Variants in SACS observed in about 807,000 individuals in gnomAD.
SACS encodes sacsin molecular chaperone.
SACS carries 197 observed loss-of-function variants against 348.0 expected under a neutral mutation model. The observed-to-expected ratio is 0.57, with a 90% CI of 0.50 to 0.64. The LOEUF is 0.64. Ranked by LOEUF, SACS falls within the 30% of genes least tolerant of loss-of-function variation. The pLI is 0.00. For missense variants in SACS, 4,999 were observed against 5,360.8 expected (o/e 0.93, Z 2.11); for synonymous variants, 1,985 against 1,910.6 (o/e 1.04, Z -1.02).
intron 2 of SACS, among the ~76,000 whole-genome samples, chr13:23,389,979 T>C (rs964258940): frequency 4.6e-5 from 7 of 152,212 alleles, no homozygotes; most frequent in South Asian, 2.1e-4. Context: ...TATTTATATT[T>C]CCTACAATTA....
At chr13:23,426,068 G>A (rs147652364) in intron 1 of SACS, among the ~76,000 whole-genome samples, 1 of 152,224 alleles carries the variant, frequency 6.6e-6, no homozygotes, top group East Asian at 1.9e-4. Context: ...GGAAACTGGT[G>A]TCCAGAAGAG....
At chr13:23,356,608 T>C (rs928540642) in intron 7 of SACS, among the ~76,000 whole-genome samples, 6 of 152,232 alleles carry the variant, frequency 3.9e-5, no homozygotes, top group Admixed American at 2.0e-4. Context: ...GGCCTCTAAA[T>C]TGATACCAGC....
rs1258663978 is a variant in SACS at position 23,353,865 on chromosome 13, G to A, written c.2105C>T (p.Pro702Leu). Residue 702 changes from proline to leucine, a missense_variant, in exon 9 of 10, where the codon CCA becomes CTA. Physicochemically the swap from Pro to Leu is moderately conservative, Grantham distance 98. Transcript: ENST00000382292. ...TSAEYPRSLF[P>L]SLEGRFILDN... ...CAAAATAAATCTTCCTTCAAGACTT[G>A]GGAAAAGGGACCTGAAAAGGGAAAG... 5.6e-6 allele frequency: 9 copies of A among 1,593,544 alleles called. No homozygotes were observed. The highest frequency in any genetic ancestry group is 6.9e-6 in the Non-Finnish European group (8 of 1,161,506).
chr13:23,360,874 C>T (rs1055213766), intron 6 of SACS, among the ~76,000 whole-genome samples: 3 of 151,894 alleles, frequency 2.0e-5, no homozygotes, highest in Non-Finnish European at 4.4e-5. Flanking sequence ...TCTGTCTCAG[C>T]CTCCCAAGTA....
chr13:23,419,031 C>G (rs569628639), intron 1 of SACS: 1 of 152,554 alleles, frequency 6.6e-6, no homozygotes, highest in East Asian at 1.9e-4. Context: ...GCATGAAGAT[C>G]TGGGGCAGGT....
Position 23,336,152 on chromosome 13 carries a change from A to G in SACS, c.7724T>C (p.Ile2575Thr). 1 of 1,613,730 alleles carries G rather than the reference A, an allele frequency of 6.2e-7. No individual in the cohort carries two copies. Among genetic ancestry groups the G allele is most frequent in the Non-Finnish European group, 8.5e-7 (1 of 1,179,678 alleles). ...CAATGGGGCCCACTTATCATCAAATATTCTATCAACTGGATGCTGTCTAGG... is the reference window on the plus strand; with the variant it reads ...CAATGGGGCCCACTTATCATCAAATGTTCTATCAACTGGATGCTGTCTAGG... ...FDPRQHPVDR[I>T]FDDKWAPLQG... The change falls in exon 10 of 10, where the codon ATA becomes ACA. Residue 2575 changes from isoleucine (I) to threonine (T), a missense_variant. By Grantham distance (89) the Ile-to-Thr change is moderately conservative (BLOSUM62 -1). Transcript: ENST00000382292.
At chr13:23,406,456 C>A (rs1873216790) in intron 2 of SACS, among the ~76,000 whole-genome samples, 1 of 152,120 alleles carries the variant, frequency 6.6e-6, no homozygotes, top group South Asian at 2.1e-4. Context: ...TGCAGCAAAC[C>A]ACCATGGTAC....
At position 23,341,531 on chromosome 13, in the gene SACS, A is replaced by G; in HGVS notation, c.2345T>C (p.Val782Ala). ...NHPSVSWLKM[V>A]WKNLYIHFSE... ...AAAATGTATATAAAGATTTTTCCAAACCATCTTAAGCCATGAAACAGATGG... is the reference window on the plus strand; with the variant it reads ...AAAATGTATATAAAGATTTTTCCAAGCCATCTTAAGCCATGAAACAGATGG... Residue 782 changes from valine to alanine, a missense_variant, in exon 10 of 10, where the codon GTT (valine) becomes GCT (alanine). Val to Ala is a moderately conservative substitution (Grantham distance 64, BLOSUM62 0). This residue lies in a region of SACS where 3,156 missense variants were observed against 3,380.1 expected (regional missense o/e 0.93). Coordinates refer to ENST00000382292, the MANE Select transcript of SACS (RefSeq NM_014363.6). 1 of 1,614,082 alleles carries G rather than the reference A, an allele frequency of 6.2e-7. No individual in the cohort carries two copies. The highest frequency in any genetic ancestry group is 8.5e-7 in the Non-Finnish European group (1 of 1,179,990).
intron 2 of SACS, among the ~76,000 whole-genome samples, chr13:23,400,446 G>A (rs1312136803): frequency 6.6e-6 from 1 of 151,842 alleles, no homozygotes; most frequent in African/African-American, 2.4e-5. Context: ...TTTGAGAAGG[G>A]GTCTCGCTCT....
At chr13:23,346,930 C>T (rs1413280752) in intron 9 of SACS, 1 of 341,442 alleles carries the variant, frequency 2.9e-6, no homozygotes, top group African/African-American at 2.2e-5. Flanking sequence ...TAAGATACTG[C>T]TGTCTGTAGA....
intron 9 of SACS, among the ~76,000 whole-genome samples, chr13:23,347,287 G>A (rs1389328056): frequency 1.3e-5 from 2 of 151,004 alleles, no homozygotes; most frequent in African/African-American, 4.9e-5. Flanking sequence ...TTATAATAAA[G>A]AAAAAGAGAT....
chr13:23,383,375 C>A (rs17078678), intron 2 of SACS, among the ~76,000 whole-genome samples: 6,037 of 152,190 alleles, frequency 0.04, 410 homozygotes, highest in African/African-American at 0.14. Flanking sequence ...TCCAATCAAC[C>A]CTTCATATTA....
intron 3 of SACS, among the ~76,000 whole-genome samples, chr13:23,371,642 A>G (rs1871397566): frequency 6.6e-6 from 1 of 152,246 alleles, no homozygotes; most frequent in Non-Finnish European, 1.5e-5. Flanking sequence ...TTAAGTTTAA[A>G]AACAACTGAA....
chr13:23,345,243 A>C (rs1008997193), intron 9 of SACS, among the ~76,000 whole-genome samples: 2 of 152,262 alleles, frequency 1.3e-5, no homozygotes, highest in Non-Finnish European at 2.9e-5. Context: ...TCAAGGTTCA[A>C]TTAAATGGTG....
At chr13:23,414,985 A>G (rs1465752529) in intron 1 of SACS, among the ~76,000 whole-genome samples, 1 of 152,100 alleles carries the variant, frequency 6.6e-6, no homozygotes, top group Non-Finnish European at 1.5e-5. Context: ...TTCTGAATGC[A>G]ATCTCTTTCA....
intron 1 of SACS, among the ~76,000 whole-genome samples, chr13:23,424,010 C>A (rs1338928813): frequency 6.6e-6 from 1 of 152,090 alleles, no homozygotes; most frequent in Non-Finnish European, 1.5e-5. Context: ...CTGAATGGAA[C>A]CTGTGTTTTT....
At chr13:23,421,555 G>C (rs1873940895) in intron 1 of SACS, among the ~76,000 whole-genome samples, 1 of 152,068 alleles carries the variant, frequency 6.6e-6, no homozygotes, top group African/African-American at 2.4e-5. Flanking sequence ...ACGTCCGTCT[G>C]AGTCCTCGGT....
chr13:23,401,007 C>G (rs1872953123), intron 2 of SACS, among the ~76,000 whole-genome samples: 1 of 152,064 alleles, frequency 6.6e-6, no homozygotes, highest in South Asian at 2.1e-4. Context: ...GATACCTAAC[C>G]TTTGCTAGGT....
chr13:23,416,625 C>T (rs981618680), intron 1 of SACS, among the ~76,000 whole-genome samples: 5 of 151,022 alleles, frequency 3.3e-5, no homozygotes, highest in East Asian at 2.0e-4. Flanking sequence ...GGCGTGGTGG[C>T]GCATGTCTGT....
Sources: gnomAD v4.1 joint callset for allele counts (sites outside exome capture counted in the v4.1 genomes callset) on GRCh38, gnomAD v4.1.1 for gene constraint, gnomAD v4.1.1 regional missense constraint, MANE v1.5 for transcripts, NCBI Gene and HGNC (gene_info 2026-07-23, HGNC 2026-07-21) for gene names.